TG: variants seen among roughly 807,000 people sequenced by gnomAD.
TG encodes thyroid hormones.
In TG, 270 loss-of-function variants were observed where a neutral mutation model predicts 324.7. The observed-to-expected ratio is 0.83, with a 90% CI of 0.75 to 0.92. TG has a LOEUF of 0.92. TG is among the 40% of genes least tolerant of loss of function. TG has a pLI of 0.00. For missense variants in TG, 3,591 were observed against 3,456.4 expected (o/e 1.04, Z -0.98); for synonymous variants, 1,401 against 1,327.0 (o/e 1.06, Z -1.21).
rs1206702883 is a variant in TG, at chr8:132,931,566, G to A, written c.4817-1995G>A. On this transcript the variant is annotated intron_variant, in intron 23 of 47. Coordinates refer to ENST00000220616, the MANE Select transcript of TG (RefSeq NM_003235.5). Reference sequence around the variant, plus strand: ...AGGAGAGAAATGTGGATTGTTGGGGGTGTGAGGGGAAGCTATGGTTGGGGT... The same window carrying A: ...AGGAGAGAAATGTGGATTGTTGGGGATGTGAGGGGAAGCTATGGTTGGGGT... Among the ~76,000 whole-genome samples, 6 of 152,298 alleles carry A rather than the reference G, an allele frequency of 3.9e-5. No homozygotes were observed. The East Asian group carries it at 5.8e-4, about 15-fold the overall frequency.
At chr8:133,044,928 C>T in intron 41 of TG, 3 of 1,585,624 alleles carry the variant, frequency 1.9e-6, no homozygotes, top group African/African-American at 1.3e-5. Flanking sequence ...CGCCACAGAG[C>T]AATTAGCTAA....
intron 41 of TG, among the ~76,000 whole-genome samples, chr8:133,052,444 T>A (rs574549913): frequency 6.6e-6 from 1 of 152,326 alleles, no homozygotes; most frequent in South Asian, 2.1e-4. Flanking sequence ...TCAGGGCTTT[T>A]GAGAAACAGT....
chr8:133,056,184 A>T (rs568827308), intron 41 of TG, among the ~76,000 whole-genome samples: 118 of 152,342 alleles, frequency 7.7e-4, no homozygotes, highest in Middle Eastern at 3.4e-3. Flanking sequence ...TACTTAAAAA[A>T]ACTTGAGTGC....
intron 16 of TG, among the ~76,000 whole-genome samples, chr8:132,905,400 A>G (rs549446806): frequency 1.3e-4 from 20 of 152,274 alleles, no homozygotes; most frequent in African/African-American, 4.3e-4. Flanking sequence ...CCTTATCACA[A>G]AAAAGACCAG....
chr8:133,056,601 G>A (rs540366683), intron 41 of TG, among the ~76,000 whole-genome samples: 6 of 152,314 alleles, frequency 3.9e-5, no homozygotes, highest in African/African-American at 9.6e-5. Context: ...ATGGCCTAAG[G>A]CAAGTCATTT....
Position 132,966,592 on chromosome 8 carries a change from C to A in TG, c.5581C>A (p.Leu1861Ile), listed in dbSNP as rs776062488. Residue 1861 changes from leucine (L) to isoleucine (I), a missense_variant, in exon 30 of 48, where the codon CTC (leucine) becomes ATC (isoleucine). Physicochemically the swap from Leu to Ile is conservative, Grantham distance 5 (BLOSUM62 2). Transcript: ENST00000220616. ...AACAGAACTTTTCTCCCCTGTGGACCTCAACCAGGTCATTGTCAATGGAAA... is the reference window on the plus strand; with the variant it reads ...AACAGAACTTTTCTCCCCTGTGGACATCAACCAGGTCATTGTCAATGGAAA... ...LTTELFSPVD[L>I]NQVIVNGNQS... is the part of the protein sequence containing the mutation. 1 of 1,614,086 alleles carries A rather than the reference C, an allele frequency of 6.2e-7. No homozygotes were observed. Among genetic ancestry groups the A allele is most frequent in the Admixed American group, 1.7e-5 (1 of 59,992 alleles).
At chr8:132,964,837 G>A in intron 29 of TG, 2 of 698,364 alleles carry the variant, frequency 2.9e-6, no homozygotes, top group Admixed American at 4.1e-5. Context: ...ACAGGTGTCG[G>A]TTGCAGTGAG....
chr8:133,127,346 C>T (rs979003219), intron 45 of TG, among the ~76,000 whole-genome samples: 3 of 152,132 alleles, frequency 2.0e-5, no homozygotes, highest in African/African-American at 7.2e-5. Context: ...GCTTTTGGCT[C>T]GCTGGGGTGC....
At chr8:132,965,860 G>A (rs1044484343) in intron 29 of TG, among the ~76,000 whole-genome samples, 3 of 152,182 alleles carry the variant, frequency 2.0e-5, no homozygotes, top group South Asian at 2.1e-4. Context: ...AAGACAATCC[G>A]AGTTGAGGCT....
At position 132,897,766 on chromosome 8, in the gene TG, T is replaced by C. The variant is rs1428552657; in HGVS notation, c.3119T>C (p.Val1040Ala). Residue 1040 changes from valine to alanine, a missense_variant, in exon 12 of 48, where the codon GTG becomes GCG. Coordinates refer to ENST00000220616, the MANE Select transcript of TG (RefSeq NM_003235.5). ...GATGCGTTTGGAAGTTGGGAGCCTG[T>C]GCAGTGCCACGCTGGGACTGGTAAG... Reference protein sequence around the residue: ...QCDAFGSWEPVQCHAGTGHCW... With the variant: ...QCDAFGSWEPAQCHAGTGHCW... 11 of 1,614,096 alleles carry C rather than the reference T, an allele frequency of 6.8e-6. No individual in the cohort carries two copies. Among genetic ancestry groups the C allele is most frequent in the Non-Finnish European group, 9.3e-6 (11 of 1,180,050 alleles).
At chr8:133,061,141 G>A (rs928509190) in intron 41 of TG, among the ~76,000 whole-genome samples, 1 of 152,184 alleles carries the variant, frequency 6.6e-6, no homozygotes, top group African/African-American at 2.4e-5. Flanking sequence ...CTTCCAAGTA[G>A]CTGGGATTAC....
chr8:133,019,812 T>C lies in TG; in HGVS notation c.6876+117T>C, dbSNP rs997876819. 5.8e-6 allele frequency: 5 copies of C among 855,178 alleles called. No individual in the cohort carries two copies. The East Asian group carries it at 1.2e-4, about 20-fold the overall frequency. 53.0% of individuals were successfully genotyped at this position (855,178 alleles called of 1,614,324 possible). ...CCTCTGTGGCCTGCTGAGCTGAGGT[T>C]AGGTGATTTGCCTAAGGACACTCAG... On this transcript the variant is annotated intron_variant, in intron 39 of 47. Transcript: ENST00000220616.
intron 35 of TG, among the ~76,000 whole-genome samples, chr8:132,996,845 T>A (rs554528230): frequency 7.2e-5 from 11 of 152,270 alleles, no homozygotes; most frequent in African/African-American, 2.6e-4. Flanking sequence ...TCAATAGTGC[T>A]GTTCACACTA....
Position 133,050,272 on chromosome 8 carries a change from G to A in TG, c.7239+20249G>A, listed in dbSNP as rs1318061342. On this transcript the variant is annotated intron_variant, in intron 41 of 47. Coordinates refer to ENST00000220616, the MANE Select transcript of TG (RefSeq NM_003235.5). ...CAGCTAATGTTCCCAACTGTTGGAGGCTTTTTAAAAATAAATGTTTACTAT... is the reference window on the plus strand; with the variant it reads ...CAGCTAATGTTCCCAACTGTTGGAGACTTTTTAAAAATAAATGTTTACTAT... 7 of 456,426 alleles carry A rather than the reference G, an allele frequency of 1.5e-5. No homozygotes were observed. In the East Asian group the frequency reaches 2.3e-4, roughly 15 times the overall value. 28.3% of individuals were successfully genotyped at this position (456,426 alleles called of 1,614,324 possible).
intron 41 of TG, among the ~76,000 whole-genome samples, chr8:133,065,302 T>A (rs1352262743): frequency 6.6e-6 from 1 of 152,202 alleles, no homozygotes; most frequent in East Asian, 1.9e-4. Flanking sequence ...TTAAGTGACT[T>A]GTCCAAGGTT....
chr8:133,049,910 A>T, intron 41 of TG: 1 of 1,607,840 alleles, frequency 6.2e-7, no homozygotes, highest in Non-Finnish European at 8.5e-7. Context: ...ACCCATGGTA[A>T]ACTCTGGCCA....
At chr8:132,925,691 ACTGTGT>A (rs2132499433) in intron 22 of TG, among the ~76,000 whole-genome samples, 1 of 152,244 alleles carries the variant, frequency 6.6e-6, no homozygotes, top group South Asian at 2.1e-4. Context: ...AATGAAGGAG[ACTGTGT>A]CTTTACAGAA....
chr8:132,947,619 G>A (rs1435775508), intron 26 of TG, among the ~76,000 whole-genome samples: 1 of 126,322 alleles, frequency 7.9e-6, no homozygotes, highest in African/African-American at 3.1e-5. Context: ...AGTAGGAGTT[G>A]TGGGATAATA....
At chr8:132,953,559 G>A (rs1200985011) in intron 27 of TG, among the ~76,000 whole-genome samples, 1 of 152,178 alleles carries the variant, frequency 6.6e-6, no homozygotes, top group Non-Finnish European at 1.5e-5. Flanking sequence ...CCACACAGAA[G>A]TTAGGACTGA....
Sources: gnomAD v4.1 joint callset for allele counts (sites outside exome capture counted in the v4.1 genomes callset) on GRCh38, gnomAD v4.1.1 for gene constraint, MANE v1.5 for transcripts, NCBI Gene and HGNC (gene_info 2026-07-23, HGNC 2026-07-21) for gene names.